The following TM4SF18 variants were observed in gnomAD, a reference collection of about 807,000 sequenced individuals.
The protein encoded by TM4SF18 is transmembrane 4 L6 family member 18.
TM4SF18 carries 22 observed loss-of-function variants against 23.8 expected under a neutral mutation model. The ratio of observed to expected loss-of-function variants is 0.92; its 90% CI spans 0.66 to 1.32. The LOEUF (loss-of-function observed/expected upper bound fraction) is 1.32, where lower values mean the gene tolerates loss of function less well. TM4SF18 is among the 40% of genes most tolerant of loss of function. The probability of loss-of-function intolerance (pLI) is 0.00; values close to 1 mark genes in which losing one functional copy is unlikely to be tolerated. For synonymous variants in TM4SF18, 87 were observed against 87.9 expected (o/e 0.99, Z 0.06); for missense variants, 255 against 240.3 (o/e 1.06, Z -0.41).
At chr3:149,322,905 C>CTTTGTTTTTTTTTTTTTTTTT (rs1730844399) in intron 4 of TM4SF18, among the ~76,000 whole-genome samples, 1 of 128,768 alleles carries the variant, frequency 7.8e-6, no homozygotes, top group Non-Finnish European at 1.7e-5. Flanking sequence ...GGCCTCCAGA[C>CTTTGTTTTTTTTTTTTTTTTT]TTTTTTTTTT....
intron 2 of TM4SF18, 68 bp downstream of exon 2, chr3:149,333,138 T>C (rs1526786): frequency 0.64 from 879,776 of 1,370,898 alleles, 285,299 homozygotes; most frequent in Admixed American, 0.71. Context: ...TCATTACTTC[T>C]ACTAGTTACA....
In TM4SF18 at chr3:149,330,374, T is replaced by C; in HGVS notation, c.223A>G (p.Asn75Asp). ...TVLLVLENNN[N>D]YKCCQSENCS... is the part of the protein sequence containing the mutation. Reference sequence around the variant, plus strand: ...TTTTCACTCTGGCAACATTTATAGTTGTTATTATTCTCCAGTACCAGAAGA... The same window carrying C: ...TTTTCACTCTGGCAACATTTATAGTCGTTATTATTCTCCAGTACCAGAAGA... The change falls in exon 3 of 6, where the codon AAC becomes GAC. Residue 75 changes from asparagine to aspartate, a missense_variant. By Grantham distance (23) the Asn-to-Asp change is conservative. Coordinates refer to ENST00000296059, the MANE Select transcript of TM4SF18 (RefSeq NM_138786.4). 1 of 1,612,450 alleles carries C rather than the reference T, an allele frequency of 6.2e-7. No homozygotes were observed. Among genetic ancestry groups the C allele is most frequent in the South Asian group, 1.1e-5 (1 of 90,754 alleles).
In TM4SF18 at chr3:149,321,630, G is replaced by T. The variant is rs1051696998; in HGVS notation, c.592-138C>A. The stretch of plus-strand genomic sequence containing the variant: ...ACAGAAAAAACATCTCTTAGAAATT[G>T]CTAGGAAAGGTATTACACATTCTGT... On this transcript the variant is annotated intron_variant, in intron 5 of 5. Coordinates refer to ENST00000296059, the MANE Select transcript of TM4SF18 (RefSeq NM_138786.4). 4.7e-5 allele frequency: 25 copies of T among 530,602 alleles called. No individual in the cohort carries two copies. The African/African-American group carries it at 4.7e-4, about 10-fold the overall frequency. The allele number at this position is 530,602 out of a possible 1,614,324, so 32.9% of individuals were successfully genotyped here. A position where few individuals can be genotyped will look rare whatever the true frequency, so the allele number is the denominator to read the frequency against.
At chr3:149,327,068 G>A (rs1008497302) in intron 3 of TM4SF18, among the ~76,000 whole-genome samples, 3 of 152,120 alleles carry the variant, frequency 2.0e-5, no homozygotes. Context: ...TCCTGCCTCA[G>A]CCTCCTGAGT....
In TM4SF18 at chr3:149,320,486, A is replaced by G. The variant is rs1730780436; in HGVS notation, c.*992T>C. ...GGTCAGTGGTCATTTTCTCTTGCCC[A>G]TTGAGCATGTTCCCTAGCTGCTCAC... On this transcript the variant is annotated 3_prime_UTR_variant, in exon 6 of 6. Coordinates refer to ENST00000296059, the MANE Select transcript of TM4SF18 (RefSeq NM_138786.4). 6.6e-6 allele frequency: 1 copy of G among 152,198 alleles called. No individual in the cohort carries two copies. Among genetic ancestry groups the G allele is most frequent in the Non-Finnish European group, 1.5e-5 (1 of 68,042 alleles). The allele number at this position is 152,198 out of a possible 1,614,324, so 9.4% of individuals were successfully genotyped here.
At chr3:149,327,763 A>T (rs568248724) in intron 3 of TM4SF18, among the ~76,000 whole-genome samples, 2 of 152,312 alleles carry the variant, frequency 1.3e-5, no homozygotes, top group South Asian at 2.1e-4. Flanking sequence ...CTTTATGGAA[A>T]ACTGGAAAAA....
In TM4SF18 at chr3:149,320,837, GC is replaced by G. The variant is rs370099846; in HGVS notation, c.*640del. ...AAAAGTGGGAAGAAGGGTCATCAATGCCCCAAACCAAGCATAATTGGCATTT... is the reference window on the plus strand; with the variant it reads ...AAAAGTGGGAAGAAGGGTCATCAATGCCCAAACCAAGCATAATTGGCATTT... On this transcript the variant is annotated 3_prime_UTR_variant, in exon 6 of 6. Coordinates refer to ENST00000296059, the MANE Select transcript of TM4SF18 (RefSeq NM_138786.4). The G allele has an allele frequency of 7.2e-5, 11 of 152,198 alleles. No homozygotes were observed. The highest frequency in any genetic ancestry group is 2.4e-4 in the African/African-American group (10 of 41,534). The allele number at this position is 152,198 out of a possible 1,614,324, so 9.4% of individuals were successfully genotyped here. A position where few individuals can be genotyped will look rare whatever the true frequency, so the allele number is the denominator to read the frequency against.
Position 149,333,255 on chromosome 3 carries a change from A to T in TM4SF18, c.128T>A (p.Leu43His). 1 of 1,613,668 alleles carries T rather than the reference A, an allele frequency of 6.2e-7. No individual in the cohort carries two copies. Among genetic ancestry groups the T allele is most frequent in the African/African-American group, 1.3e-5 (1 of 75,014 alleles). The part of the protein sequence containing the change: ...GQTSYASSNK[L>H]TNYVWYFEGI... ...TTCAAAATACCACACGTAGTTGGTGAGTTTATTGCTGGATGCATAGGAAGT... is the reference window on the plus strand; with the variant it reads ...TTCAAAATACCACACGTAGTTGGTGTGTTTATTGCTGGATGCATAGGAAGT... The change falls in exon 2 of 6, where the codon CTC becomes CAC. Residue 43 changes from leucine to histidine, a missense_variant. Physicochemically the swap from Leu to His is moderately conservative, Grantham distance 99. Coordinates refer to ENST00000296059, the MANE Select transcript of TM4SF18 (RefSeq NM_138786.4).
intron 4 of TM4SF18, 143 bp downstream of exon 4, chr3:149,324,737 T>A: frequency 9.7e-7 from 1 of 1,033,468 alleles, no homozygotes; most frequent in Non-Finnish European, 1.4e-6. Context: ...TTGGTCTGGA[T>A]ATTAGTAAAC....
At chr3:149,330,297 C>G (rs752358520) in intron 3 of TM4SF18, 33 bp downstream of exon 3, 16 of 1,494,430 alleles carry the variant, frequency 1.1e-5, no homozygotes, top group Non-Finnish European at 1.5e-5. Flanking sequence ...CTGGAGCCCA[C>G]TCAACCATCC....
At chr3:149,323,100 G>A (rs750251092) in intron 4 of TM4SF18, among the ~76,000 whole-genome samples, 1 of 151,852 alleles carries the variant, frequency 6.6e-6, no homozygotes, top group Non-Finnish European at 1.5e-5. Context: ...GGGTTTCACC[G>A]TGTGAGCCAG....
intron 3 of TM4SF18, among the ~76,000 whole-genome samples, chr3:149,326,686 C>G (rs182010272): frequency 2.8e-4 from 42 of 152,326 alleles, no homozygotes; most frequent in Admixed American, 1.6e-3. Context: ...CCATTCCTCT[C>G]TCCTTTGCCT....
intron 4 of TM4SF18, among the ~76,000 whole-genome samples, chr3:149,322,965 G>C (rs1730847853): frequency 6.7e-6 from 1 of 148,724 alleles, no homozygotes; most frequent in Non-Finnish European, 1.5e-5. Flanking sequence ...GTGCAGTGGC[G>C]CATCTTCGCT....
chr3:149,321,576 C>T, intron 5 of TM4SF18, 84 bp from the exon 6 acceptor site: 1 of 867,890 alleles, frequency 1.2e-6, no homozygotes, highest in Non-Finnish European at 1.8e-6. Context: ...GCAACTTAAA[C>T]TTATATTTCA....
chr3:149,333,139 A>G, intron 2 of TM4SF18, 67 bp downstream of exon 2: 1 of 1,387,700 alleles, frequency 7.2e-7, no homozygotes, highest in South Asian at 1.4e-5. Context: ...CATTACTTCT[A>G]CTAGTTACAA....
Position 149,321,500 on chromosome 3 carries a change from A to G in TM4SF18, c.592-8T>C. 4.5e-6 allele frequency: 7 copies of G among 1,567,080 alleles called. No homozygotes were observed. Among genetic ancestry groups the G allele is most frequent in the Non-Finnish European group, 6.1e-6 (7 of 1,150,818 alleles). On this transcript the variant is annotated splice_polypyrimidine_tract_variant and splice_region_variant and intron_variant, in intron 5 of 5. Coordinates refer to ENST00000296059, the MANE Select transcript of TM4SF18 (RefSeq NM_138786.4). ...TATTCAAATGATTCCAGGCTATAGG[A>G]AAAAAGGAAAAACAAAGTGATTAAA...
intron 3 of TM4SF18, among the ~76,000 whole-genome samples, chr3:149,327,057 C>G (rs1427675570): frequency 6.6e-6 from 1 of 152,184 alleles, no homozygotes; most frequent in East Asian, 1.9e-4. Context: ...TCAAACGATT[C>G]TCCTGCCTCA....
At chr3:149,324,493 A>G (rs928420232) in intron 4 of TM4SF18, among the ~76,000 whole-genome samples, 8 of 152,104 alleles carry the variant, frequency 5.3e-5, no homozygotes, top group Non-Finnish European at 1.2e-4. Context: ...TACACTTGTA[A>G]CAGACCACAT....
At position 149,323,354 on chromosome 3, in the gene TM4SF18, ATTT is replaced by A. The variant is rs1284513875; in HGVS notation, c.411-921_411-919del. ...TTCCCTAAACCTATCTCATACCCCC[ATTT>A]ACCCCTATCTCCATCTCAGCTGCCA... On this transcript the variant is annotated intron_variant, in intron 4 of 5. Transcript: ENST00000296059. Among the ~76,000 whole-genome samples the A allele has an allele frequency of 3.3e-5, 5 of 152,180 alleles. No individual in the cohort carries two copies. In the East Asian group the frequency reaches 7.7e-4, roughly 24 times the overall value.
Sources: gnomAD v4.1 joint callset for allele counts (sites outside exome capture counted in the v4.1 genomes callset) on GRCh38, gnomAD v4.1.1 for gene constraint, MANE v1.5 for transcripts, NCBI Gene and HGNC (gene_info 2026-07-23, HGNC 2026-07-21) for gene names.